RIMBP2: variants seen among roughly 807,000 people sequenced by gnomAD.
RIMBP2 encodes RIMS binding protein 2.
A neutral mutation model predicts 118.6 loss-of-function variants in RIMBP2; 48 were observed. The ratio of observed to expected loss-of-function variants is 0.40; its 90% confidence interval spans 0.32 to 0.51. The LOEUF is 0.51. Among genes scored for constraint, RIMBP2 ranks in the 20% least tolerant of loss-of-function variants. The probability of loss-of-function intolerance (pLI) is 0.41; values close to 1 mark genes in which losing one functional copy is unlikely to be tolerated. For missense variants in RIMBP2, 1,551 were observed against 1,768.3 expected, an observed-to-expected ratio of 0.88 and a Z score of 2.20; for synonymous variants, 762 against 742.9, an observed-to-expected ratio of 1.03 and a Z score of -0.42.
intron 4 of RIMBP2, among the ~76,000 whole-genome samples, chr12:130,503,919 T>A (rs778524061): frequency 6.6e-6 from 1 of 152,238 alleles, no homozygotes; most frequent in Non-Finnish European, 1.5e-5. Context: ...TTAGGCCATA[T>A]GCTTGGAAAG....
chr12:130,553,021 C>A (rs1171094788), intron 2 of RIMBP2, among the ~76,000 whole-genome samples: 2 of 151,956 alleles, frequency 1.3e-5, no homozygotes, highest in Non-Finnish European at 2.9e-5. Flanking sequence ...GGCGTGGTGG[C>A]AGGTGCCTGT....
rs766996316 is a variant in RIMBP2 at position 130,438,172 on chromosome 12, C to T, written c.1656+193G>A. Among the ~76,000 whole-genome samples, 12 of 152,118 alleles carry T rather than the reference C, an allele frequency of 7.9e-5. No homozygotes were observed. The East Asian group carries it at 9.7e-4, about 12-fold the overall frequency. On this transcript the variant is annotated intron_variant, in intron 12 of 22. Coordinates refer to ENST00000690449, the MANE Select transcript of RIMBP2 (RefSeq NM_001393629.1). ...CAGGGCAGGGGATGAGTGAGGGGAG[C>T]GAGATGGGGGGAGTGCTGGAAGTGA...
At chr12:130,486,839 G>C (rs1401798470) in intron 4 of RIMBP2, among the ~76,000 whole-genome samples, 2 of 150,694 alleles carry the variant, frequency 1.3e-5, no homozygotes, top group Non-Finnish European at 3.0e-5. Context: ...TACGGCAGAA[G>C]AGCCCTTTCT....
chr12:130,651,586 G>A (rs1045688380), intron 1 of RIMBP2: 3 of 152,254 alleles, frequency 2.0e-5, no homozygotes, highest in Admixed American at 2.0e-4. Context: ...AATGGAAAAC[G>A]CAGCGATGAA....
intron 2 of RIMBP2, among the ~76,000 whole-genome samples, chr12:130,563,484 T>C (rs958746338): frequency 1.3e-5 from 2 of 152,258 alleles, no homozygotes; most frequent in Non-Finnish European, 2.9e-5. Flanking sequence ...ATTATTAAGC[T>C]GTTCAAAGGA....
intron 1 of RIMBP2, among the ~76,000 whole-genome samples, chr12:130,666,809 G>T (rs113782593): frequency 1.8e-5 from 2 of 110,980 alleles, no homozygotes; most frequent in Non-Finnish European, 4.1e-5. Context: ...GAGGAAGGGA[G>T]GGAGGAAGAG....
intron 2 of RIMBP2, among the ~76,000 whole-genome samples, chr12:130,564,885 C>T (rs1309864968): frequency 2.0e-5 from 3 of 151,870 alleles, no homozygotes; most frequent in Non-Finnish European, 4.4e-5. Context: ...GTGTTCTTAC[C>T]ACACACACAC....
rs111801053 is a variant in RIMBP2 at position 130,619,422 on chromosome 12, A to AT, written c.-217+8899dup. On this transcript the variant is annotated intron_variant, in intron 2 of 22. Coordinates refer to ENST00000690449, the MANE Select transcript of RIMBP2 (RefSeq NM_001393629.1). ...ATGCTCTTTACTGATCACGTTATTG[A>AT]TTTTTTTACTCCTTGGGAAGCTGGT... Among the ~76,000 whole-genome samples the AT allele has an allele frequency of 9.7e-3, 1,483 of 152,170 alleles. 22 individuals are homozygous for AT. The highest frequency in any genetic ancestry group is 0.031 in the African/African-American group (1,267 of 41,526).
At chr12:130,448,894 G>A (rs1436592809) in intron 9 of RIMBP2, among the ~76,000 whole-genome samples, 2 of 152,262 alleles carry the variant, frequency 1.3e-5, no homozygotes, top group African/African-American at 4.8e-5. Flanking sequence ...AATGTGATCC[G>A]CTGATCCTCT....
chr12:130,421,691 A>ATATGTG (rs143606738), intron 17 of RIMBP2, among the ~76,000 whole-genome samples: 6 of 147,188 alleles, frequency 4.1e-5, no homozygotes, highest in African/African-American at 1.3e-4. Context: ...CTGCATTTAT[A>ATATGTG]TGTGTGTGTG....
intron 17 of RIMBP2, among the ~76,000 whole-genome samples, chr12:130,418,850 C>A (rs2076252378): frequency 6.6e-6 from 1 of 152,152 alleles, no homozygotes; most frequent in African/African-American, 2.4e-5. Flanking sequence ...ATGGACCATG[C>A]AACTGGCCAC....
In RIMBP2 at chr12:130,434,357, C is replaced by G. The variant is rs1406080410; in HGVS notation, c.2253+377G>C. ...TTATTTTTGGCTCCCATGATGCCTC[C>G]CTAGCACACAGATGGCCAACAAACA... On this transcript the variant is annotated intron_variant, in intron 14 of 22. Coordinates refer to ENST00000690449, the MANE Select transcript of RIMBP2 (RefSeq NM_001393629.1). The surrounding 1 kb of genome is among the most constrained non-coding windows in gnomAD (Gnocchi z 5.7). 6.6e-6 allele frequency among the ~76,000 whole-genome samples: 1 copy of G among 152,106 alleles called. No homozygotes were observed. Among genetic ancestry groups the G allele is most frequent in the East Asian group, 1.9e-4 (1 of 5,174 alleles).
At chr12:130,599,996 T>G (rs2140416908) in intron 2 of RIMBP2, among the ~76,000 whole-genome samples, 1 of 152,260 alleles carries the variant, frequency 6.6e-6, no homozygotes, top group East Asian at 1.9e-4. Flanking sequence ...GAAAAGAATG[T>G]AACCGTCTGT....
chr12:130,646,351 C>T (rs868064837), intron 1 of RIMBP2, among the ~76,000 whole-genome samples: 1,834 of 114,060 alleles, frequency 0.016, 553 homozygotes, highest in Non-Finnish European at 0.025. Flanking sequence ...CCCTCACCAC[C>T]TCCCTCACCA....
chr12:130,685,572 C>G (rs1257900497), intron 1 of RIMBP2, among the ~76,000 whole-genome samples: 1 of 152,144 alleles, frequency 6.6e-6, no homozygotes, highest in Non-Finnish European at 1.5e-5. Context: ...CACTGAAAAG[C>G]CTCATTTCCA....
At chr12:130,600,834 A>G (rs949200696) in intron 2 of RIMBP2, among the ~76,000 whole-genome samples, 4 of 152,188 alleles carry the variant, frequency 2.6e-5, no homozygotes, top group Non-Finnish European at 5.9e-5. Flanking sequence ...AACTCATTTA[A>G]CTGAATGCTC....
At chr12:130,631,616 G>A (rs2062000311) in intron 1 of RIMBP2, among the ~76,000 whole-genome samples, 1 of 151,692 alleles carries the variant, frequency 6.6e-6, no homozygotes, top group South Asian at 2.1e-4. Context: ...AGCCCTTTGA[G>A]AACCACTTAT....
intron 2 of RIMBP2, among the ~76,000 whole-genome samples, chr12:130,566,378 A>G (rs2057223665): frequency 6.6e-6 from 1 of 152,234 alleles, no homozygotes; most frequent in Non-Finnish European, 1.5e-5. Context: ...AAGGAGGCGG[A>G]GATTAACTTG....
intron 1 of RIMBP2, among the ~76,000 whole-genome samples, chr12:130,632,172 C>T (rs1253337537): frequency 2.0e-5 from 3 of 152,174 alleles, no homozygotes; most frequent in Admixed American, 6.5e-5. Flanking sequence ...TGGATGCAAA[C>T]AAATCAAGGC....
Sources: allele counts gnomAD v4.1 joint callset (sites outside exome capture counted in the v4.1 genomes callset), GRCh38; gene constraint gnomAD v4.1.1; non-coding constraint Gnocchi (gnomAD v3.1); transcripts MANE v1.5; gene names NCBI Gene and HGNC (gene_info 2026-07-23, HGNC 2026-07-21).